SUCLG1: variants seen among roughly 807,000 people sequenced by gnomAD.
SUCLG1 encodes the protein succinate--CoA ligase [ADP/GDP-forming] subunit alpha, mitochondrial.
In SUCLG1, 26 loss-of-function variants were observed where a neutral mutation model predicts 37.3. That is an observed-to-expected ratio of 0.70 (90% CI 0.51 to 0.97). The LOEUF (loss-of-function observed/expected upper bound fraction) is 0.97. Ranked by LOEUF, SUCLG1 falls within the 50% of genes least tolerant of loss-of-function variation. The pLI is 0.00. For synonymous variants in SUCLG1, 163 were observed against 155.6 expected, an observed-to-expected ratio of 1.05 and a Z score of -0.36; for missense variants, 433 against 432.9, an observed-to-expected ratio of 1.00 and a Z score of 0.00.
chr2:84,440,422 G>C (rs11126964), intron 5 of SUCLG1, among the ~76,000 whole-genome samples: 147,027 of 152,326 alleles, frequency 0.97, 71,005 homozygotes, highest in East Asian at 1. Context: ...TATGGAGCAA[G>C]TGGAACTCTC....
At position 84,425,480 on chromosome 2, in the gene SUCLG1, C is replaced by G. The variant is rs777534009; in HGVS notation, c.949G>C (p.Ala317Pro). 14 of 1,614,102 alleles carry G rather than the reference C, an allele frequency of 8.7e-6. No homozygotes were observed. The South Asian group carries it at 1.5e-4, about 18-fold the overall frequency. Residue 317 changes from alanine to proline, a missense_variant, in exon 8 of 9, where the codon GCC becomes CCC. Physicochemically the swap from Ala to Pro is conservative, Grantham distance 27. Transcript: ENST00000393868. The part of the protein sequence containing the change: ...GKGGAKEKIS[A>P]LQSAGVVVSM... ...ACCACAACTCCTGCACTCTGAAGGG[C>G]AGAGATCTTCTCTTTAGCTCCACCT...
At chr2:84,434,163 A>G (rs1672650308) in intron 5 of SUCLG1, among the ~76,000 whole-genome samples, 1 of 152,206 alleles carries the variant, frequency 6.6e-6, no homozygotes, top group African/African-American at 2.4e-5. Context: ...AATCTCTTTT[A>G]CTTATAAATC....
At chr2:84,433,236 T>C (rs774003141) in intron 6 of SUCLG1, 116 bp downstream of exon 6, 1 of 896,946 alleles carries the variant, frequency 1.1e-6, no homozygotes, top group African/African-American at 1.7e-5. Flanking sequence ...GATCGTAACA[T>C]CCTTTTCATA....
chr2:84,434,440 CT>C (rs1672654669), intron 5 of SUCLG1, among the ~76,000 whole-genome samples: 1 of 152,156 alleles, frequency 6.6e-6, no homozygotes, highest in African/African-American at 2.4e-5. Flanking sequence ...AATTTCACAT[CT>C]GGATTAGGTG....
chr2:84,433,016 C>T (rs1411049036), intron 6 of SUCLG1, among the ~76,000 whole-genome samples: 1 of 152,122 alleles, frequency 6.6e-6, no homozygotes, highest in Non-Finnish European at 1.5e-5. Flanking sequence ...CTATAAAGCA[C>T]TGATGAACAT....
intron 2 of SUCLG1, among the ~76,000 whole-genome samples, chr2:84,447,044 T>C (rs181880256): frequency 1.7e-4 from 26 of 152,326 alleles, no homozygotes; most frequent in African/African-American, 6.0e-4. Flanking sequence ...TTAGGAACAG[T>C]AATCATTTTA....
intron 2 of SUCLG1, among the ~76,000 whole-genome samples, chr2:84,445,047 A>G (rs1479495088): frequency 1.3e-5 from 2 of 152,192 alleles, no homozygotes; most frequent in Non-Finnish European, 2.9e-5. Context: ...GAGGCGACAT[A>G]CATCCTCCTC....
intron 5 of SUCLG1, 168 bp from the exon 6 acceptor site, chr2:84,433,603 G>C: frequency 1.5e-6 from 1 of 653,408 alleles, no homozygotes. Flanking sequence ...AAAAGGAAAG[G>C]CTTAAATTCA....
chr2:84,446,476 G>C (rs1192046780), intron 2 of SUCLG1, among the ~76,000 whole-genome samples: 1 of 152,170 alleles, frequency 6.6e-6, no homozygotes. Flanking sequence ...AAAAATCAGG[G>C]CCTTAAGAAG....
intron 6 of SUCLG1, 104 bp from the exon 7 acceptor site, chr2:84,431,763 CTCTTA>C (rs1281742484): frequency 8.4e-6 from 10 of 1,193,752 alleles, no homozygotes; most frequent in East Asian, 5.0e-5. Context: ...TTACCCTTCT[CTCTTA>C]TATTTTTAAA....
At position 84,449,618 on chromosome 2, in the gene SUCLG1, C is replaced by T. The variant is rs200552252; in HGVS notation, c.201+31G>A. 1.4e-5 allele frequency: 20 copies of T among 1,384,550 alleles called. No homozygotes were observed. In the African/African-American group the frequency reaches 2.7e-4, roughly 19 times the overall value. The allele number at this position is 1,384,550 out of a possible 1,614,324, so 85.8% of individuals were successfully genotyped here. A position where few individuals can be genotyped will look rare whatever the true frequency, so the allele number is the denominator to read the frequency against. ...GTTAATTTGTTATATCTCTAGTCTA[C>T]ATTTGAAAATAAAAATCTAGATATA... On this transcript the variant is annotated intron_variant, in intron 2 of 8. Coordinates refer to ENST00000393868, the MANE Select transcript of SUCLG1 (RefSeq NM_003849.4).
At chr2:84,434,451 G>A (rs1672654979) in intron 5 of SUCLG1, among the ~76,000 whole-genome samples, 1 of 152,178 alleles carries the variant, frequency 6.6e-6, no homozygotes, top group African/African-American at 2.4e-5. Context: ...TGGATTAGGT[G>A]TGCGCCGAGG....
chr2:84,455,739 G>A (rs1171728519), intron 1 of SUCLG1, among the ~76,000 whole-genome samples: 1 of 151,882 alleles, frequency 6.6e-6, no homozygotes, highest in South Asian at 2.1e-4. Context: ...GGGAGGCTGA[G>A]GCAGGAGAAC....
At chr2:84,424,532 G>A (rs945815529) in intron 8 of SUCLG1, among the ~76,000 whole-genome samples, 1 of 152,116 alleles carries the variant, frequency 6.6e-6, no homozygotes, top group African/African-American at 2.4e-5. Context: ...ATAAAAAAAG[G>A]AGTCCACTTT....
intron 1 of SUCLG1, among the ~76,000 whole-genome samples, chr2:84,451,874 A>T (rs1672948231): frequency 6.6e-6 from 1 of 152,202 alleles, no homozygotes; most frequent in Admixed American, 6.5e-5. Flanking sequence ...ATAAGCTGGA[A>T]CTAACAGACT....
intron 8 of SUCLG1, 121 bp downstream of exon 8, chr2:84,425,294 C>A: frequency 9.0e-7 from 1 of 1,113,660 alleles, no homozygotes. Context: ...AACTATTAAG[C>A]TGCACATCAG....
intron 6 of SUCLG1, 79 bp from the exon 7 acceptor site, chr2:84,431,738 AGTTT>A (rs2104243509): frequency 6.8e-7 from 1 of 1,475,580 alleles, no homozygotes; most frequent in Non-Finnish European, 9.4e-7. Context: ...GTTTTTAACT[AGTTT>A]GTCATTTTTC....
rs142560957 is a variant in SUCLG1, at chr2:84,434,127, T to C, written c.590-692A>G. ...AACAGATGCTAGCACCATGCATGTA[T>C]AGCCTGCAGAATCATAAGCCAAACA... On this transcript the variant is annotated intron_variant, in intron 5 of 8. Transcript: ENST00000393868. Among the ~76,000 whole-genome samples the C allele has an allele frequency of 5.9e-5, 9 of 152,322 alleles. No homozygotes were observed. In the East Asian group the frequency reaches 1.3e-3, roughly 23 times the overall value.
Position 84,443,529 on chromosome 2 carries a change from T to A in SUCLG1, c.202-129A>T, listed in dbSNP as rs1012655002. 13 of 820,160 alleles carry A rather than the reference T, an allele frequency of 1.6e-5. No homozygotes were observed. The East Asian group carries it at 3.5e-4, about 22-fold the overall frequency. The allele number at this position is 820,160 out of a possible 1,614,324, so 50.8% of individuals were successfully genotyped here. On this transcript the variant is annotated intron_variant, in intron 2 of 8. Transcript: ENST00000393868. ...ACTATTCCCAGACAATAACATATAT[T>A]TACTAAACATAGCTTTGAATCTTGA...
Sources: allele counts gnomAD v4.1 joint callset (sites outside exome capture counted in the v4.1 genomes callset), GRCh38; gene constraint gnomAD v4.1.1; transcripts MANE v1.5; gene names NCBI Gene and HGNC (gene_info 2026-07-23, HGNC 2026-07-21).